Variants in PTK2 observed in about 807,000 individuals in gnomAD.
PTK2 encodes the protein focal adhesion kinase 1.
PTK2 carries 45 observed loss-of-function variants against 150.1 expected under a neutral mutation model. That is an observed-to-expected ratio of 0.30 (90% CI 0.24 to 0.38). The LOEUF (loss-of-function observed/expected upper bound fraction) is 0.38. Among genes scored for constraint, PTK2 ranks in the 10% least tolerant of loss-of-function variants. PTK2 has a pLI of 1.00. For synonymous variants in PTK2, 432 were observed against 449.2 expected, an observed-to-expected ratio of 0.96 and a Z score of 0.48; for missense variants, 919 against 1,307.3, an observed-to-expected ratio of 0.70 and a Z score of 4.58.
chr8:140,794,428 T>C (rs1041922208), intron 12 of PTK2, among the ~76,000 whole-genome samples: 11 of 152,186 alleles, frequency 7.2e-5, no homozygotes, highest in Non-Finnish European at 1.2e-4. Context: ...ACCACTCGTG[T>C]AGTCACACTT....
intron 5 of PTK2, among the ~76,000 whole-genome samples, chr8:140,851,221 T>C (rs2100129102): frequency 6.6e-6 from 1 of 152,222 alleles, no homozygotes; most frequent in Admixed American, 6.5e-5. Context: ...AACTTAATTT[T>C]TCCTCTTTCA....
chr8:140,810,550 C>A (rs1395405516), intron 10 of PTK2, among the ~76,000 whole-genome samples: 2 of 152,222 alleles, frequency 1.3e-5, no homozygotes, highest in Non-Finnish European at 2.9e-5. Context: ...TTGCCACACA[C>A]CAGCCCACCC....
intron 1 of PTK2, among the ~76,000 whole-genome samples, chr8:140,959,928 A>C (rs992434938): frequency 1.3e-5 from 2 of 151,698 alleles, no homozygotes; most frequent in Non-Finnish European, 2.9e-5. Context: ...AGGTGGGAGG[A>C]TCTGCTTGAG....
intron 7 of PTK2, among the ~76,000 whole-genome samples, chr8:140,836,078 T>G (rs1489267528): frequency 3.6e-5 from 5 of 137,812 alleles, no homozygotes; most frequent in Non-Finnish European, 4.6e-5. Flanking sequence ...AATTATCTGG[T>G]TTTTTTTTTA....
At chr8:140,675,928 A>C (rs2100013355) in intron 27 of PTK2, 1 of 159,072 alleles carries the variant, frequency 6.3e-6, no homozygotes, top group Non-Finnish European at 1.4e-5. Flanking sequence ...AAGGAAAACA[A>C]ATCATTGTAT....
In PTK2 at chr8:140,697,644, G is replaced by A. The variant is rs367906815; in HGVS notation, c.2499+3247C>T. 3.9e-5 allele frequency among the ~76,000 whole-genome samples: 6 copies of A among 152,114 alleles called. No homozygotes were observed. In the East Asian group the frequency reaches 9.7e-4, roughly 25 times the overall value. On this transcript the variant is annotated intron_variant, in intron 26 of 31. Transcript: ENST00000522684. ...TCACCATGTTGGCCAGGCCGGTCTC[G>A]AACTCCTGACCTCTGCCTCTCAAAG...
intron 27 of PTK2, among the ~76,000 whole-genome samples, chr8:140,677,125 G>A (rs2100014386): frequency 6.6e-6 from 1 of 152,044 alleles, no homozygotes; most frequent in Admixed American, 6.6e-5. Flanking sequence ...GTCTCCAGTT[G>A]ACCTCTAAAG....
intron 1 of PTK2, among the ~76,000 whole-genome samples, chr8:140,987,628 T>C (rs950599996): frequency 2.0e-5 from 3 of 152,222 alleles, no homozygotes; most frequent in African/African-American, 4.8e-5. Flanking sequence ...TTAAAATGGC[T>C]AAAATGTACA....
At chr8:141,000,087 TCACACACACA>T (rs71310820) in intron 1 of PTK2, among the ~76,000 whole-genome samples, 17 of 81,608 alleles carry the variant, frequency 2.1e-4, no homozygotes, top group African/African-American at 5.7e-4. Context: ...TGAAACCAAT[TCACACACACA>T]CACACACACA....
intron 2 of PTK2, among the ~76,000 whole-genome samples, chr8:140,897,960 C>T (rs367736011): frequency 1.4e-4 from 22 of 152,240 alleles, no homozygotes; most frequent in African/African-American, 4.1e-4. Context: ...GCCACTTTTG[C>T]GCACTACATA....
At chr8:140,767,374 T>TA (rs1177626124) in intron 14 of PTK2, among the ~76,000 whole-genome samples, 2 of 152,278 alleles carry the variant, frequency 1.3e-5, no homozygotes, top group Non-Finnish European at 2.9e-5. Flanking sequence ...GCAATGTGAA[T>TA]AGAGAATTCA....
chr8:140,698,818 T>C (rs997221826), intron 26 of PTK2, among the ~76,000 whole-genome samples: 1 of 152,190 alleles, frequency 6.6e-6, no homozygotes, highest in Admixed American at 6.5e-5. Flanking sequence ...TTTTGCCACA[T>C]TGGCCAGGCT....
chr8:140,707,451 G>A (rs1278094967), intron 23 of PTK2, among the ~76,000 whole-genome samples: 1 of 152,226 alleles, frequency 6.6e-6, no homozygotes, highest in Non-Finnish European at 1.5e-5. Context: ...CTGCCGTATA[G>A]GCTGGAGTGC....
At chr8:140,800,837 A>G (rs898278640) in intron 11 of PTK2, among the ~76,000 whole-genome samples, 4 of 152,188 alleles carry the variant, frequency 2.6e-5, no homozygotes, top group African/African-American at 4.8e-5. Context: ...AGAGATGAAA[A>G]AAGTATTTTC....
At chr8:140,743,178 A>T (rs1346773857) in intron 20 of PTK2, 52 bp downstream of exon 23, 1 of 1,243,308 alleles carries the variant, frequency 8.0e-7, no homozygotes, top group Non-Finnish European at 1.2e-6. Context: ...TGTTTTTAGA[A>T]ATACGTTAAA....
At chr8:140,661,870 A>G (rs930245725) in intron 31 of PTK2, among the ~76,000 whole-genome samples, 6 of 152,228 alleles carry the variant, frequency 3.9e-5, no homozygotes, top group African/African-American at 1.4e-4. Context: ...GCTGGCGCTG[A>G]GTGCAGCTGC....
intron 14 of PTK2, chr8:140,771,582 T>C (rs2100075518): frequency 6.6e-6 from 1 of 152,118 alleles, no homozygotes; most frequent in East Asian, 1.9e-4. Context: ...ACAGGTAACA[T>C]CAACATTTAA....
At chr8:140,854,920 G>A (rs1043205332) in intron 5 of PTK2, among the ~76,000 whole-genome samples, 3 of 151,988 alleles carry the variant, frequency 2.0e-5, no homozygotes, top group Non-Finnish European at 2.9e-5. Flanking sequence ...ATGGGGTGGT[G>A]GTAGAAATAA....
chr8:140,742,446 A>G (rs2100056298), intron 20 of PTK2, among the ~76,000 whole-genome samples: 1 of 152,214 alleles, frequency 6.6e-6, no homozygotes, highest in Admixed American at 6.5e-5. Flanking sequence ...TTTTTAAAGA[A>G]TTTGCCAAAC....
Sources: allele counts gnomAD v4.1 joint callset (sites outside exome capture counted in the v4.1 genomes callset), GRCh38; gene constraint gnomAD v4.1.1; transcripts MANE v1.5; gene names NCBI Gene and HGNC (gene_info 2026-07-23, HGNC 2026-07-21).